INTS6: variants seen among roughly 807,000 people sequenced by gnomAD.
INTS6 encodes integrator complex subunit 6.
A neutral mutation model predicts 104.9 loss-of-function variants in INTS6; 16 were observed. The ratio of observed to expected loss-of-function variants is 0.15; its 90% CI spans 0.10 to 0.23. INTS6 has a LOEUF of 0.23. Among genes scored for constraint, INTS6 ranks in the 10% least tolerant of loss-of-function variants. The probability of loss-of-function intolerance (pLI) is 1.00; values close to 1 mark genes in which losing one functional copy is unlikely to be tolerated. For synonymous variants in INTS6, 324 were observed against 358.7 expected (o/e 0.90, Z 1.09); for missense variants, 584 against 1,062.8 (o/e 0.55, Z 6.26).
At chr13:51,434,694 C>G (rs557142155) in intron 3 of INTS6, among the ~76,000 whole-genome samples, 2 of 152,182 alleles carry the variant, frequency 1.3e-5, no homozygotes, top group South Asian at 4.2e-4. Context: ...GCATGAATTT[C>G]TACATCACTA....
chr13:51,361,429 T>C (rs1955572904), downstream of INTS6: 4 of 980,664 alleles, frequency 4.1e-6, no homozygotes, highest in Non-Finnish European at 6.4e-6. Context: ...TTTACCTAGT[T>C]GAATCTTCAC....
intron 3 of INTS6, chr13:51,447,681 T>C (rs1566255760): frequency 6.8e-6 from 1 of 146,106 alleles, no homozygotes; most frequent in Non-Finnish European, 1.5e-5. Flanking sequence ...AAAAACGGAC[T>C]TGCAGGCCAG....
chr13:51,413,455 A>G (rs1398063610), intron 4 of INTS6, among the ~76,000 whole-genome samples: 1 of 152,166 alleles, frequency 6.6e-6, no homozygotes, highest in Non-Finnish European at 1.5e-5. Flanking sequence ...CACTTATCTC[A>G]TTTAATCATA....
intron 3 of INTS6, chr13:51,443,859 T>A (rs1368583908): frequency 6.6e-6 from 1 of 152,202 alleles, no homozygotes; most frequent in Non-Finnish European, 1.5e-5. Flanking sequence ...TGTAGAAATC[T>A]ATGACATGAA....
At chr13:51,450,648 T>C (rs1953020977) in intron 3 of INTS6, 15 of 988,842 alleles carry the variant, frequency 1.5e-5, no homozygotes, top group Non-Finnish European at 1.8e-5. Context: ...TCTTTACTAA[T>C]ATAGAAACGA....
At chr13:51,451,859 T>A (rs1417293518) in intron 2 of INTS6, 119 bp downstream of exon 2, 4 of 482,512 alleles carry the variant, frequency 8.3e-6, no homozygotes, top group African/African-American at 4.9e-5. Flanking sequence ...CCTCAGCGGC[T>A]GGGAGCGCAG....
At chr13:51,369,883 G>A (rs1391578165) in intron 15 of INTS6, among the ~76,000 whole-genome samples, 2 of 152,236 alleles carry the variant, frequency 1.3e-5, no homozygotes, top group East Asian at 3.9e-4. Flanking sequence ...GCAACCTGGT[G>A]CCCACTTCAG....
intron 3 of INTS6, chr13:51,448,681 A>G (rs1288650567): frequency 1.3e-5 from 2 of 152,334 alleles, no homozygotes; most frequent in Non-Finnish European, 2.9e-5. Flanking sequence ...ACAAATATAT[A>G]TATTAACCCA....
At chr13:51,444,015 T>C (rs1225313600) in intron 3 of INTS6, 2 of 152,224 alleles carry the variant, frequency 1.3e-5, no homozygotes, top group Non-Finnish European at 2.9e-5. Context: ...ATTATCGATA[T>C]TCTCCTATAT....
chr13:51,451,341 C>T, intron 2 of INTS6, 167 bp from the exon 3 acceptor site: 2 of 429,782 alleles, frequency 4.7e-6, no homozygotes, highest in Non-Finnish European at 8.0e-6. Flanking sequence ...CAAAGGTGGC[C>T]CAGGAATAAC....
the INTS6 span, among the ~76,000 whole-genome samples, chr13:51,344,855 T>C: frequency 1.3e-5 from 2 of 152,152 alleles, no homozygotes; most frequent in South Asian, 2.1e-4. Context: ...CCACCTGTGA[T>C]GGCAAAGTGC....
intron 3 of INTS6, chr13:51,446,145 A>G (rs1160629476): frequency 6.6e-6 from 1 of 152,194 alleles, no homozygotes; most frequent in Non-Finnish European, 1.5e-5. Context: ...ACATAATGGG[A>G]GAAAATATTT....
chr13:51,367,716 A>C, intron 17 of INTS6, 89 bp downstream of exon 17: 1 of 681,110 alleles, frequency 1.5e-6, no homozygotes. Context: ...TAAACAATAC[A>C]AGTGCAAAAC....
intron 4 of INTS6, among the ~76,000 whole-genome samples, chr13:51,409,641 A>AT (rs146346093): frequency 0.015 from 2,263 of 151,504 alleles, 39 homozygotes; most frequent in East Asian, 0.077. Context: ...CATAGGTAGT[A>AT]TTTTTTTTAA....
chr13:51,375,946 T>TA (rs760525395), intron 13 of INTS6, 102 bp downstream of exon 13: 84 of 898,392 alleles, frequency 9.4e-5, no homozygotes, highest in Non-Finnish European at 1.2e-4. Context: ...AAGAATGTTA[T>TA]AGTACTGTAA....
chr13:51,399,464 A>T (rs1048308693), intron 4 of INTS6, among the ~76,000 whole-genome samples: 2 of 152,208 alleles, frequency 1.3e-5, no homozygotes, highest in Middle Eastern at 3.2e-3. Flanking sequence ...TGTTATGAAT[A>T]GTGTAACTAT....
intron 3 of INTS6, among the ~76,000 whole-genome samples, chr13:51,431,399 GATT>G (rs1318877445): frequency 6.6e-6 from 1 of 152,072 alleles, no homozygotes; most frequent in Non-Finnish European, 1.5e-5. Context: ...TGCAATTTCT[GATT>G]ATGTCTGGGA....
intron 3 of INTS6, chr13:51,447,068 G>A (rs143737103): frequency 6.6e-5 from 10 of 152,018 alleles, no homozygotes; most frequent in African/African-American, 2.4e-4. Context: ...TTAATTAAAG[G>A]AATTAAAAAA....
chr13:51,378,453 G>A lies in INTS6; in HGVS notation c.1388C>T (p.Ala463Val). 1 of 1,605,386 alleles carries A rather than the reference G, an allele frequency of 6.2e-7. No individual in the cohort carries two copies. The highest frequency in any genetic ancestry group is 8.5e-7 in the Non-Finnish European group (1 of 1,174,134). The part of the protein sequence containing the change: ...ISYLKKLSQQ[A>V]KIESDRVIGS... ...AATGACTCGATCAGATTCTATTTTG[G>A]CCTAAAGTAAAAATAAGTCAGAATT... Residue 463 changes from alanine to valine, a missense_variant and splice_region_variant, in exon 12 of 18, where the codon GCC (alanine) becomes GTC (valine). Coordinates refer to ENST00000311234, the MANE Select transcript of INTS6 (RefSeq NM_012141.3).
Sources: gnomAD v4.1 joint callset for allele counts (sites outside exome capture counted in the v4.1 genomes callset) on GRCh38, gnomAD v4.1.1 for gene constraint, MANE v1.5 for transcripts, NCBI Gene and HGNC (gene_info 2026-07-23, HGNC 2026-07-21) for gene names.